Variants in ECE1 observed in about 807,000 individuals in gnomAD.
The protein encoded by ECE1 is endothelin converting enzyme 1.
Under a neutral mutation model 98.6 loss-of-function variants are expected in ECE1, and 35 were observed. The ratio of observed to expected loss-of-function variants is 0.35; its 90% confidence interval spans 0.27 to 0.47. ECE1 has a LOEUF of 0.47. Ranked by LOEUF, ECE1 falls within the 20% of genes least tolerant of loss-of-function variation. The pLI, the probability that ECE1 is intolerant of heterozygous loss-of-function variation, is 1.00. For missense variants in ECE1, 814 were observed against 1,025.3 expected (o/e 0.79, Z 2.81); for synonymous variants, 394 against 407.1 (o/e 0.97, Z 0.39).
At position 21,227,143 on chromosome 1, in the gene ECE1, C is replaced by A; in HGVS notation, c.1849+16G>T. 1 of 1,613,658 alleles carries A rather than the reference C, an allele frequency of 6.2e-7. No homozygotes were observed. The highest frequency in any genetic ancestry group is 8.5e-7 in the Non-Finnish European group (1 of 1,179,740). On this transcript the variant is annotated intron_variant, in intron 16 of 18. Transcript: ENST00000374893. ...GATTACAGGCATGAGCCATCGTGCCCAGCTGGAATTCGTACCTTGATCATC... is the reference window on the plus strand; with the variant it reads ...GATTACAGGCATGAGCCATCGTGCCAAGCTGGAATTCGTACCTTGATCATC...
chr1:21,229,794 C>T (rs2098179422), intron 14 of ECE1, among the ~76,000 whole-genome samples: 1 of 152,098 alleles, frequency 6.6e-6, no homozygotes, highest in South Asian at 2.1e-4. Context: ...ATGACTAAGA[C>T]ATGATGTTAC....
intron 17 of ECE1, among the ~76,000 whole-genome samples, chr1:21,222,984 TG>T (rs779944424): frequency 2.0e-5 from 3 of 152,078 alleles, no homozygotes; most frequent in African/African-American, 4.8e-5. Flanking sequence ...TTTTTGTTTT[TG>T]TTTTTTTTGG....
At position 21,307,754 on chromosome 1, in the gene ECE1, C is replaced by T. The variant is rs144940634; in HGVS notation, c.4-17598G>A. The stretch of plus-strand genomic sequence containing the variant: ...ACGCAGGGCCACTGCTCCTAGGGCA[C>T]TGGGCTCCAGACAGAAAATGGGAAG... On this transcript the variant is annotated intron_variant, in intron 1 of 18. Transcript: ENST00000415912. This position sits in a 1 kb window ranked among gnomAD's most constrained non-coding sequence, Gnocchi z 4.2. Among the ~76,000 whole-genome samples, 24 of 152,252 alleles carry T rather than the reference C, an allele frequency of 1.6e-4. 1 individual carries two copies. The highest frequency in any genetic ancestry group is 8.3e-4 in the South Asian group (4 of 4,828).
chr1:21,331,268 T>C (rs1639195028), intron 1 of ECE1, among the ~76,000 whole-genome samples: 1 of 151,888 alleles, frequency 6.6e-6, no homozygotes, highest in Admixed American at 6.6e-5. Context: ...CCGGGCGTGG[T>C]GGTGCAGCGC....
intron 4 of ECE1, among the ~76,000 whole-genome samples, chr1:21,265,499 T>G (rs892277461): frequency 2.0e-5 from 3 of 152,174 alleles, no homozygotes; most frequent in African/African-American, 7.2e-5. Flanking sequence ...GCCACTGTAC[T>G]CCAGCCTGGG....
rs1298001781 is a variant in ECE1 at position 21,340,408 on chromosome 1, C to T, written c.3+4968G>A. 1.3e-5 allele frequency among the ~76,000 whole-genome samples: 2 copies of T among 152,242 alleles called. 1 individual carries two copies. Among genetic ancestry groups the T allele is most frequent in the East Asian group, 3.8e-4 (2 of 5,196 alleles). On this transcript the variant is annotated intron_variant, in intron 1 of 18. Transcript: ENST00000415912. The surrounding 1 kb of genome is among the most constrained non-coding windows in gnomAD (Gnocchi z 4.6). ...GGACTGGATGGTGCCTGCAGCACCA[C>T]CTTTCTCCCAGGGCCACTTCAGGTG... is the stretch of plus-strand genomic sequence containing the variant.
intron 1 of ECE1, among the ~76,000 whole-genome samples, chr1:21,302,659 C>G (rs1041620376): frequency 6.6e-6 from 1 of 152,136 alleles, no homozygotes; most frequent in African/African-American, 2.4e-5. Context: ...GAGGAATGCA[C>G]AGAACGCCAG....
intron 1 of ECE1, among the ~76,000 whole-genome samples, chr1:21,318,117 T>C (rs1039709562): frequency 2.6e-5 from 4 of 152,168 alleles, no homozygotes; most frequent in Admixed American, 2.0e-4. Flanking sequence ...ACTCAAGTGA[T>C]AGCTGTTGGA....
chr1:21,332,113 G>T (rs1224151673), intron 1 of ECE1, among the ~76,000 whole-genome samples: 1 of 152,186 alleles, frequency 6.6e-6, no homozygotes, highest in Admixed American at 6.5e-5. Flanking sequence ...GCACCCAGTG[G>T]TGTGCAGCAG....
chr1:21,317,561 G>C (rs79272702), intron 1 of ECE1, among the ~76,000 whole-genome samples: 8,748 of 152,328 alleles, frequency 0.057, 859 homozygotes, highest in African/African-American at 0.2. Context: ...ATGGGCCCAG[G>C]CTGGCTGGAG....
chr1:21,245,857 A>C (rs1214439615), intron 9 of ECE1, among the ~76,000 whole-genome samples: 1 of 152,120 alleles, frequency 6.6e-6, no homozygotes, highest in Non-Finnish European at 1.5e-5. Flanking sequence ...AATGGGAAAA[A>C]AAGACCACAT....
rs1194496054 is a variant in ECE1, at chr1:21,225,120, C to T, written c.2040+130G>A. On this transcript the variant is annotated intron_variant, in intron 17 of 18. Transcript: ENST00000374893. This position sits in a 1 kb window ranked among gnomAD's most constrained non-coding sequence, Gnocchi z 5.3. ...GATTGGTCCTCGCCACCCCCAATTT[C>T]GCAGAAGAGGAAACGGAAGCTCGCA... 16 of 1,260,554 alleles carry T rather than the reference C, an allele frequency of 1.3e-5. 1 individual carries two copies. Among genetic ancestry groups the T allele is most frequent in the Non-Finnish European group, 1.5e-5 (14 of 907,174 alleles). The allele number at this position is 1,260,554 out of a possible 1,614,324, so 78.1% of individuals were successfully genotyped here. A position where few individuals can be genotyped will look rare whatever the true frequency, so the allele number is the denominator to read the frequency against.
chr1:21,221,905 T>C, intron 17 of ECE1, 63 bp from the exon 18 acceptor site: 1 of 1,455,892 alleles, frequency 6.9e-7, no homozygotes. Flanking sequence ...AGGGGACTGG[T>C]ATGGAGGTCT....
Position 21,233,336 on chromosome 1 carries a change from C to T in ECE1, c.1670+222G>A. ...AGGCCAGGCTCACCCTGCCAACAGG[C>T]TGGGCAGGCTCAAGCCCATCCCAGC... is the stretch of plus-strand genomic sequence containing the variant. On this transcript the variant is annotated intron_variant, in intron 14 of 18. Coordinates refer to ENST00000374893, the MANE Select transcript of ECE1 (RefSeq NM_001397.3). The surrounding 1 kb of genome is among the most constrained non-coding windows in gnomAD (Gnocchi z 4.0). The T allele has an allele frequency of 2.0e-6, 1 of 506,664 alleles. No homozygotes were observed. The highest frequency in any genetic ancestry group is 3.6e-6 in the Non-Finnish European group (1 of 278,172). 31.4% of individuals were successfully genotyped at this position (506,664 alleles called of 1,614,324 possible). A position where few individuals can be genotyped will look rare whatever the true frequency, so the allele number is the denominator to read the frequency against.
chr1:21,263,510 C>G (rs965581500), intron 4 of ECE1, among the ~76,000 whole-genome samples: 3 of 152,116 alleles, frequency 2.0e-5, no homozygotes, highest in Admixed American at 1.3e-4. Context: ...GCGTGTACCA[C>G]CACGCCTGGC....
At position 21,237,234 on chromosome 1, in the gene ECE1, C is replaced by T. The variant is rs181827553; in HGVS notation, c.1390-390G>A. ...ACCACAGCATTCCTTTTTGATGGAGCGGGCTTTAAGATCTAGAGTACTCAT... is the reference window on the plus strand; with the variant it reads ...ACCACAGCATTCCTTTTTGATGGAGTGGGCTTTAAGATCTAGAGTACTCAT... On this transcript the variant is annotated intron_variant, in intron 11 of 18. Coordinates refer to ENST00000374893, the MANE Select transcript of ECE1 (RefSeq NM_001397.3). 1.0e-3 allele frequency among the ~76,000 whole-genome samples: 154 copies of T among 152,230 alleles called. 1 individual carries two copies. The highest frequency in any genetic ancestry group is 3.4e-3 in the Middle Eastern group (1 of 294).
intron 4 of ECE1, among the ~76,000 whole-genome samples, chr1:21,270,953 C>T (rs187018428): frequency 1.3e-3 from 202 of 152,322 alleles, no homozygotes; most frequent in African/African-American, 4.5e-3. Context: ...ATGTTAGGCA[C>T]TGGAGAAGGG....
intron 4 of ECE1, chr1:21,266,849 T>C (rs1263258367): frequency 1.3e-5 from 2 of 152,198 alleles, no homozygotes; most frequent in Non-Finnish European, 2.9e-5. Context: ...TTCCTGCAGG[T>C]TGGCTCAGAA....
upstream of ECE1, among the ~76,000 whole-genome samples, chr1:21,291,441 G>T (rs954934259): frequency 3.2e-4 from 48 of 152,360 alleles, no homozygotes; most frequent in African/African-American, 1.1e-3. Context: ...CACAGGGACA[G>T]TGAGGGCAAT....
Sources: allele counts gnomAD v4.1 joint callset (sites outside exome capture counted in the v4.1 genomes callset), GRCh38; gene constraint gnomAD v4.1.1; non-coding constraint Gnocchi (gnomAD v3.1); transcripts MANE v1.5; gene names NCBI Gene and HGNC (gene_info 2026-07-23, HGNC 2026-07-21).